Variants in TBCB observed in about 807,000 individuals in gnomAD.
The protein encoded by TBCB is tubulin folding cofactor B, also known as tubulin-folding cofactor B.
A neutral mutation model predicts 29.2 loss-of-function variants in TBCB; 18 were observed. The observed-to-expected ratio is 0.62, with a 90% CI of 0.43 to 0.91. The LOEUF is 0.91. Ranked by LOEUF, TBCB falls within the 40% of genes least tolerant of loss-of-function variation. The pLI, the probability that TBCB is intolerant of heterozygous loss-of-function variation, is 0.00. For missense variants in TBCB, 336 were observed against 337.6 expected (o/e 1.00, Z 0.04); for synonymous variants, 172 against 137.8 (o/e 1.25, Z -1.74).
Position 36,121,730 on chromosome 19 carries a change from G to A in TBCB, c.547+12G>A, listed in dbSNP as rs1599865445. 1 of 1,548,042 alleles carries A rather than the reference G, an allele frequency of 6.5e-7. No homozygotes were observed. Among genetic ancestry groups the A allele is most frequent in the Non-Finnish European group, 8.7e-7 (1 of 1,146,752 alleles). On this transcript the variant is annotated intron_variant, in intron 4 of 5. Coordinates refer to ENST00000221855, the MANE Select transcript of TBCB (RefSeq NM_001281.3). The stretch of plus-strand genomic sequence containing the variant: ...CGTCATGTATGTAGGTGCGTGGCTC[G>A]CGGGCCCGGTCCCGGGCTCCAGGGC...
intron 2 of TBCB, chr19:36,120,450 C>T (rs917568032): frequency 2.3e-5 from 11 of 488,014 alleles, no homozygotes; most frequent in Middle Eastern, 1.1e-3. Flanking sequence ...GGGCCCTTGG[C>T]GATGTTGATG....
intron 3 of TBCB, 94 bp downstream of exon 3, chr19:36,120,900 G>A: frequency 8.3e-7 from 1 of 1,204,822 alleles, no homozygotes; most frequent in Non-Finnish European, 1.2e-6. Flanking sequence ...CCTGCAGGGA[G>A]GCCAGTGGTG....
chr19:36,115,870 C>CG (rs1973942401), intron 1 of TBCB, 171 bp from the exon 2 acceptor site: 2 of 1,152,746 alleles, frequency 1.7e-6, no homozygotes, highest in African/African-American at 3.2e-5. Context: ...CCGGGTCCAG[C>CG]GAAAAATCCG....
At chr19:36,119,623 C>T (rs903778367) in intron 2 of TBCB, among the ~76,000 whole-genome samples, 2 of 152,140 alleles carry the variant, frequency 1.3e-5, no homozygotes, top group South Asian at 2.1e-4. Flanking sequence ...TGCGGTGGAT[C>T]GTGCCTGTAA....
Position 36,125,722 on chromosome 19 carries a change from G to T in TBCB, c.675G>T (p.Lys225Asn). 1 of 1,580,088 alleles carries T rather than the reference G, an allele frequency of 6.3e-7. No individual in the cohort carries two copies. The highest frequency in any genetic ancestry group is 8.6e-7 in the Non-Finnish European group (1 of 1,162,476). Reference sequence around the variant, plus strand: ...AGGCCAAGTATGGCGCCTTTGTCAAGCCAGCAGTCGTGACGGTGGGGGACT... The same window carrying T: ...AGGCCAAGTATGGCGCCTTTGTCAATCCAGCAGTCGTGACGGTGGGGGACT... Reference protein sequence around the residue: ...ECQAKYGAFVKPAVVTVGDFP... With the variant: ...ECQAKYGAFVNPAVVTVGDFP... Residue 225 changes from lysine to asparagine, a missense_variant, in exon 6 of 6, where the codon AAG becomes AAT. Lys to Asn is a moderately conservative substitution (Grantham distance 94). Transcript: ENST00000221855.
chr19:36,119,760 G>T lies in TBCB; in HGVS notation c.259-950G>T, dbSNP rs904939620. On this transcript the variant is annotated intron_variant, in intron 2 of 5. Transcript: ENST00000221855. ...ATACAAAAATTAGCCGGGTGTGGTG[G>T]TGTGTGCCTATAGTTTCAGCTGCCC... Among the ~76,000 whole-genome samples, 6 of 152,212 alleles carry T rather than the reference G, an allele frequency of 3.9e-5. No individual in the cohort carries two copies. The East Asian group carries it at 1.2e-3, about 29-fold the overall frequency.
Position 36,125,761 on chromosome 19 carries a change from C to A in TBCB, c.714C>A (p.Asp238Glu). The A allele has an allele frequency of 6.5e-7, 1 of 1,549,750 alleles. No individual in the cohort carries two copies. The highest frequency in any genetic ancestry group is 1.2e-5 in the South Asian group (1 of 80,146). The change falls in exon 6 of 6, where the codon GAC becomes GAA. Residue 238 changes from aspartate to glutamate, a missense_variant. Physicochemically the swap from Asp to Glu is conservative, Grantham distance 45. Coordinates refer to ENST00000221855, the MANE Select transcript of TBCB (RefSeq NM_001281.3). ...CGGTGGGGGACTTCCCGGAGGAGGACTACGGGTTGGACGAGATATGACACC... is the reference window on the plus strand; with the variant it reads ...CGGTGGGGGACTTCCCGGAGGAGGAATACGGGTTGGACGAGATATGACACC... ...VVTVGDFPEE[D>E]YGLDEI
chr19:36,115,959 A>C lies in TBCB; in HGVS notation c.115-82A>C, dbSNP rs561270405. On this transcript the variant is annotated intron_variant, in intron 1 of 5. Transcript: ENST00000221855. ...TCCTGACTGGGGGGTCTTTTGGAGG[A>C]AAAGGGACGTGGCGATGGTCATTGA... The C allele has an allele frequency of 2.8e-4, 432 of 1,551,846 alleles. 1 individual carries two copies. In the African/African-American group the frequency reaches 4.0e-3, roughly 14 times the overall value.
chr19:36,125,222 T>C (rs1452411513), intron 4 of TBCB, among the ~76,000 whole-genome samples: 1 of 152,098 alleles, frequency 6.6e-6, no homozygotes, highest in African/African-American at 2.4e-5. Context: ...CTTCACCCAG[T>C]GAATGGGGGA....
At position 36,125,306 on chromosome 19, in the gene TBCB, G is replaced by A. The variant is rs913542622; in HGVS notation, c.548-145G>A. 17 of 841,310 alleles carry A rather than the reference G, an allele frequency of 2.0e-5. No individual in the cohort carries two copies. The Admixed American group carries it at 3.3e-4, about 16-fold the overall frequency. The allele number at this position is 841,310 out of a possible 1,614,324, so 52.1% of individuals were successfully genotyped here. On this transcript the variant is annotated intron_variant, in intron 4 of 5. Transcript: ENST00000221855. Reference sequence around the variant, plus strand: ...GGCAGGAGCTGGAGGTGGTCCTAGTGGTAGCAATAGAGGTAGCAAGAAATG... The same window carrying A: ...GGCAGGAGCTGGAGGTGGTCCTAGTAGTAGCAATAGAGGTAGCAAGAAATG...
At chr19:36,124,169 G>T (rs1378538215) in intron 4 of TBCB, among the ~76,000 whole-genome samples, 4 of 152,300 alleles carry the variant, frequency 2.6e-5, no homozygotes, top group Admixed American at 1.3e-4. Context: ...ATGATGTTGA[G>T]CATCTTTGCA....
chr19:36,125,582 C>T, intron 5 of TBCB, 59 bp downstream of exon 5: 1 of 1,611,248 alleles, frequency 6.2e-7, no homozygotes, highest in Non-Finnish European at 8.5e-7. Context: ...TCCATGCGTG[C>T]TGCTTGCTGA....
intron 1 of TBCB, 110 bp downstream of exon 1, chr19:36,115,784 T>C: frequency 1.7e-6 from 2 of 1,191,712 alleles, no homozygotes; most frequent in Non-Finnish European, 2.4e-6. Context: ...CCGGAGGTGA[T>C]CCCAGGCTGC....
At chr19:36,123,274 T>C (rs951347566) in intron 4 of TBCB, among the ~76,000 whole-genome samples, 5 of 147,580 alleles carry the variant, frequency 3.4e-5, no homozygotes, top group East Asian at 2.0e-4. Context: ...TTTTTTTTTT[T>C]CTAATTTGAG....
Position 36,115,637 on chromosome 19 carries a change from A to G in TBCB, c.77A>G (p.Lys26Arg). 6.2e-7 allele frequency: 1 copy of G among 1,600,572 alleles called. No homozygotes were observed. The highest frequency in any genetic ancestry group is 8.5e-7 in the Non-Finnish European group (1 of 1,173,496). ...TCCCTCAACACCTTCCGCTCCGAGA[A>G]GCGATACAGCCGCAGCCTCACCATC... ...SSSLNTFRSE[K>R]RYSRSLTIAE... is the part of the protein sequence containing the mutation. The change falls in exon 1 of 6, where the codon AAG becomes AGG. Residue 26 changes from lysine (K) to arginine (R), a missense_variant. Physicochemically the swap from Lys to Arg is conservative, Grantham distance 26 (BLOSUM62 2). Coordinates refer to ENST00000221855, the MANE Select transcript of TBCB (RefSeq NM_001281.3).
chr19:36,125,716 T>G lies in TBCB; in HGVS notation c.669T>G (p.Phe223Leu). Residue 223 changes from phenylalanine to leucine, a missense_variant, in exon 6 of 6, where the codon TTT (phenylalanine) becomes TTG (leucine). By Grantham distance (22) the Phe-to-Leu change is conservative. Coordinates refer to ENST00000221855, the MANE Select transcript of TBCB (RefSeq NM_001281.3). ...AATGCCAGGCCAAGTATGGCGCCTT[T>G]GTCAAGCCAGCAGTCGTGACGGTGG... The part of the protein sequence containing the change: ...YFECQAKYGA[F>L]VKPAVVTVGD... 6.3e-7 allele frequency: 1 copy of G among 1,582,610 alleles called. No homozygotes were observed. The highest frequency in any genetic ancestry group is 8.6e-7 in the Non-Finnish European group (1 of 1,163,550).
intron 2 of TBCB, among the ~76,000 whole-genome samples, chr19:36,117,298 T>G (rs1181077772): frequency 6.6e-6 from 1 of 152,222 alleles, no homozygotes; most frequent in Non-Finnish European, 1.5e-5. Flanking sequence ...GTGTCCCCAG[T>G]ACTTGGAATA....
At chr19:36,121,324 C>T (rs2072606) in intron 3 of TBCB, among the ~76,000 whole-genome samples, 63,379 of 151,544 alleles carry the variant, frequency 0.42, 13,585 homozygotes, top group Middle Eastern at 0.48. Flanking sequence ...GGCGGCACCC[C>T]TTCCATTTAC....
intron 3 of TBCB, among the ~76,000 whole-genome samples, 192 bp from the exon 4 acceptor site, chr19:36,121,335 G>A (rs1201193406): frequency 6.6e-6 from 1 of 151,916 alleles, no homozygotes; most frequent in Non-Finnish European, 1.5e-5. Context: ...TTCCATTTAC[G>A]ATTGTGGAGT....
Sources: allele counts gnomAD v4.1 joint callset (sites outside exome capture counted in the v4.1 genomes callset), GRCh38; gene constraint gnomAD v4.1.1; transcripts MANE v1.5; gene names NCBI Gene and HGNC (gene_info 2026-07-23, HGNC 2026-07-21).